SPATA13: variants seen among roughly 807,000 people sequenced by gnomAD.
The protein encoded by SPATA13 is spermatogenesis associated 13.
Under a neutral mutation model 104.0 loss-of-function variants are expected in SPATA13, and 50 were observed. The observed-to-expected ratio is 0.48, with a 90% CI of 0.38 to 0.61. The LOEUF (loss-of-function observed/expected upper bound fraction) is 0.61. Among genes scored for constraint, SPATA13 ranks in the 20% least tolerant of loss-of-function variants. SPATA13 has a pLI of 0.00. For missense variants in SPATA13, 1,524 were observed against 1,690.6 expected (o/e 0.90, Z 1.73); for synonymous variants, 606 against 667.5 (o/e 0.91, Z 1.42).
chr13:24,056,878 C>T (rs1566087930), intron 3 of SPATA13, among the ~76,000 whole-genome samples: 1 of 151,422 alleles, frequency 6.6e-6, no homozygotes, highest in Non-Finnish European at 1.5e-5. Flanking sequence ...CCTTCCTTAT[C>T]CTTGACAGGG....
chr13:24,270,669 A>G (rs1874531423), intron 4 of SPATA13: 5 of 1,351,818 alleles, frequency 3.7e-6, no homozygotes, highest in Non-Finnish European at 5.0e-6. Context: ...GGTCACACGG[A>G]GTGTGGAGCC....
At chr13:24,046,550 C>T (rs1398971219) in intron 3 of SPATA13, among the ~76,000 whole-genome samples, 1 of 150,874 alleles carries the variant, frequency 6.6e-6, no homozygotes, top group African/African-American at 2.5e-5. Flanking sequence ...ATGGTGTGTA[C>T]TCTTTTGTGT....
chr13:24,142,441 G>A (rs1437824370), intron 3 of SPATA13, among the ~76,000 whole-genome samples: 1 of 152,108 alleles, frequency 6.6e-6, no homozygotes, highest in African/African-American at 2.4e-5. Context: ...CTTTTGAACA[G>A]CACCAGCCCA....
At chr13:24,157,365 C>G (rs1180005653), upstream of SPATA13, among the ~76,000 whole-genome samples, 1 of 152,120 alleles carries the variant, frequency 6.6e-6, no homozygotes, top group African/African-American at 2.4e-5. Flanking sequence ...GGGGCGCGAT[C>G]GCGGCTCACT....
Position 24,129,220 on chromosome 13 carries a change from C to T in SPATA13, c.-111-93599C>T, listed in dbSNP as rs1473670510. On this transcript the variant is annotated intron_variant, in intron 3 of 14. Transcript: ENST00000424834. The stretch of plus-strand genomic sequence containing the variant: ...GTGTCGGGTGGGTTTCCACAGTCCA[C>T]GCTGAATGCTGGGGGTCAGAGGAGC... Among the ~76,000 whole-genome samples the T allele has an allele frequency of 2.6e-5, 4 of 152,232 alleles. 1 individual carries two copies. Among genetic ancestry groups the T allele is most frequent in the Non-Finnish European group, 4.4e-5 (3 of 68,040 alleles).
chr13:24,274,199 T>C (rs147980085), intron 4 of SPATA13, among the ~76,000 whole-genome samples: 6 of 152,336 alleles, frequency 3.9e-5, no homozygotes, highest in African/African-American at 1.4e-4. Context: ...GCTTGCTGCA[T>C]GGACAGGCAA....
rs567193173 is a variant in SPATA13, at chr13:24,073,348, G to A, written c.-112+55647G>A. On this transcript the variant is annotated intron_variant, in intron 3 of 14. Transcript: ENST00000424834. ...TAGGGCCCAGGCAAGTGGCTTATGC[G>A]CCATCAGTCAGACTCACCTGCATGT... Among the ~76,000 whole-genome samples the A allele has an allele frequency of 7.6e-4, 116 of 152,268 alleles. 1 individual carries two copies. The highest frequency in any genetic ancestry group is 2.7e-3 in the African/African-American group (114 of 41,540).
At chr13:24,093,070 C>T (rs1451861323) in intron 3 of SPATA13, among the ~76,000 whole-genome samples, 1 of 152,196 alleles carries the variant, frequency 6.6e-6, no homozygotes, top group East Asian at 1.9e-4. Flanking sequence ...AGTAAGGTCA[C>T]ATTTTACTTG....
intron 3 of SPATA13, among the ~76,000 whole-genome samples, chr13:24,018,668 T>C (rs1047296962): frequency 2.0e-4 from 31 of 152,236 alleles, no homozygotes; most frequent in Admixed American, 1.6e-3. Flanking sequence ...GGGTTACTTA[T>C]TGATCTGCAC....
chr13:24,219,967 GGTCA>G (rs1871480068), intron 1 of SPATA13, among the ~76,000 whole-genome samples: 1 of 152,000 alleles, frequency 6.6e-6, no homozygotes, highest in Non-Finnish European at 1.5e-5. Context: ...TTCATTCCTG[GGTCA>G]GTCAGACACC....
At chr13:24,015,638 T>G (rs1325355008) in intron 2 of SPATA13, among the ~76,000 whole-genome samples, 1 of 152,188 alleles carries the variant, frequency 6.6e-6, no homozygotes, top group Non-Finnish European at 1.5e-5. Context: ...CTGCTCATGG[T>G]TCATCCCAGA....
chr13:24,138,176 G>T (rs770962648), intron 3 of SPATA13, among the ~76,000 whole-genome samples: 1 of 151,588 alleles, frequency 6.6e-6, no homozygotes, highest in African/African-American at 2.4e-5. Context: ...GCGTGGTGAC[G>T]TGTGCCTGTA....
rs760457002 is a variant in SPATA13, at chr13:24,294,809, C to T, written c.3151C>T (p.Arg1051Cys). 6.8e-6 allele frequency: 11 copies of T among 1,611,548 alleles called. No homozygotes were observed. The highest frequency in any genetic ancestry group is 1.7e-5 in the Admixed American group (1 of 59,974). The change falls in exon 10 of 13, where the codon CGC becomes TGC. Residue 1051 changes from arginine to cysteine, a missense_variant. Transcript: ENST00000382108. The stretch of plus-strand genomic sequence containing the variant: ...GGCCTGTCTGATCAACGAGCGCAAG[C>T]GCAAGCTGGAGAGCATCGACAAGAT... ...NVACLINERK[R>C]KLESIDKIAR...
chr13:24,223,813 C>G lies in SPATA13; in HGVS notation c.884C>G (p.Thr295Ser). 1.9e-6 allele frequency: 3 copies of G among 1,551,840 alleles called. No homozygotes were observed. Among genetic ancestry groups the G allele is most frequent in the Non-Finnish European group, 2.6e-6 (3 of 1,147,022 alleles). The change falls in exon 2 of 13, where the codon ACT becomes AGT. Residue 295 changes from threonine to serine, a missense_variant. By Grantham distance (58) the Thr-to-Ser change is moderately conservative. This residue lies in a region of SPATA13 where 1,089 missense variants were observed against 1,135.9 expected (regional missense o/e 0.96). Coordinates refer to ENST00000382108, the MANE Select transcript of SPATA13 (RefSeq NM_001166271.3). Reference protein sequence around the residue: ...VPQRTLSSSSTDSQKLGSGRT... With the variant: ...VPQRTLSSSSSDSQKLGSGRT... Reference sequence around the variant, plus strand: ...CAGAGGACCCTGAGCAGTTCCTCCACTGACTCCCAAAAGCTTGGGTCAGGA... The same window carrying G: ...CAGAGGACCCTGAGCAGTTCCTCCAGTGACTCCCAAAAGCTTGGGTCAGGA...
At chr13:24,091,328 T>C (rs1006526076) in intron 3 of SPATA13, among the ~76,000 whole-genome samples, 4 of 152,222 alleles carry the variant, frequency 2.6e-5, no homozygotes, top group African/African-American at 9.6e-5. Flanking sequence ...CTTATGGACA[T>C]CTCATTCCCT....
chr13:24,005,053 T>A (rs144669194), intron 2 of SPATA13, among the ~76,000 whole-genome samples: 1 of 152,358 alleles, frequency 6.6e-6, no homozygotes, highest in African/African-American at 2.4e-5. Context: ...CTTTGCCACA[T>A]TGCTTTCCAT....
At chr13:24,187,496 C>T (rs1387764046) in intron 1 of SPATA13, among the ~76,000 whole-genome samples, 3 of 152,194 alleles carry the variant, frequency 2.0e-5, no homozygotes, top group East Asian at 3.9e-4. Flanking sequence ...GCGGAAATTG[C>T]ACCTTTTACA....
chr13:24,175,402 G>T (rs1331333558), intron 1 of SPATA13, among the ~76,000 whole-genome samples: 1 of 152,108 alleles, frequency 6.6e-6, no homozygotes, highest in Non-Finnish European at 1.5e-5. Context: ...GGAGAGAGAG[G>T]AGTTAGTGTT....
rs1318817940 is a variant in SPATA13, at chr13:24,224,448, G to A, written c.1519G>A (p.Glu507Lys). The A allele has an allele frequency of 1.9e-6, 3 of 1,551,610 alleles. No homozygotes were observed. The highest frequency in any genetic ancestry group is 2.6e-6 in the Non-Finnish European group (3 of 1,147,024). The change falls in exon 2 of 13, where the codon GAG becomes AAG. Residue 507 changes from glutamate to lysine, a missense_variant. Around this residue, in one of 2 missense-constraint regions of SPATA13, gnomAD observed 1,089 missense variants for 1,135.9 expected, o/e 0.96. Transcript: ENST00000382108. Reference sequence around the variant, plus strand: ...AGAGGAAAGTGAAGGAAGGGCAGAAGAGCCTGCTCAGAGAGAGCCAGGGCC... The same window carrying A: ...AGAGGAAAGTGAAGGAAGGGCAGAAAAGCCTGCTCAGAGAGAGCCAGGGCC... ...NSEESEGRAE[E>K]PAQREPGPVS...
Sources: allele counts gnomAD v4.1 joint callset (sites outside exome capture counted in the v4.1 genomes callset), GRCh38; gene constraint gnomAD v4.1.1; regional missense constraint gnomAD v4.1.1; transcripts MANE v1.5; gene names NCBI Gene and HGNC (gene_info 2026-07-23, HGNC 2026-07-21).